Variants in CRACDL observed in about 807,000 individuals in gnomAD.
CRACDL encodes the protein CRACD like.
CRACDL carries 26 observed loss-of-function variants against 70.6 expected under a neutral mutation model. That is an observed-to-expected ratio of 0.37 (90% CI 0.27 to 0.51). The LOEUF (loss-of-function observed/expected upper bound fraction) is 0.51, where lower values mean the gene tolerates loss of function less well. Ranked by LOEUF, CRACDL falls within the 20% of genes least tolerant of loss-of-function variation. The pLI, the probability that CRACDL is intolerant of heterozygous loss-of-function variation, is 0.94. For missense variants in CRACDL, 1,283 were observed against 1,376.9 expected, an observed-to-expected ratio of 0.93 and a Z score of 1.08; for synonymous variants, 618 against 615.2, an observed-to-expected ratio of 1.00 and a Z score of -0.07.
chr2:98,802,998 CT>C (rs34784675), intron 7 of CRACDL, among the ~76,000 whole-genome samples: 7,204 of 128,142 alleles, frequency 0.056, 115 homozygotes, highest in East Asian at 0.097. Flanking sequence ...ACATGCCTGG[CT>C]TTTTTTTTTT....
intron 1 of CRACDL, among the ~76,000 whole-genome samples, chr2:98,889,340 A>AAAGAAAGAAAGAAAGGAAGG (rs1231775878): frequency 2.3e-5 from 3 of 128,192 alleles, no homozygotes; most frequent in African/African-American, 5.8e-5. Flanking sequence ...AGAAAGAAAG[A>AAAGAAAGAAAGAAAGGAAGG]AAGGAAACAG....
At chr2:98,894,509 C>T (rs192593294) in intron 1 of CRACDL, among the ~76,000 whole-genome samples, 13 of 152,306 alleles carry the variant, frequency 8.5e-5, no homozygotes, top group Non-Finnish European at 1.5e-4. Context: ...GGGTGCGGGG[C>T]GGGCCCTCCT....
chr2:98,910,409 T>C lies in CRACDL; in HGVS notation c.-11+25529A>G, dbSNP rs559137634. ...GGTGGTGCATGCCTGTAATCCCAGC[T>C]ACTTGGGAGGCTGAAGCAGGAGAAT... On this transcript the variant is annotated intron_variant, in intron 1 of 9. Coordinates refer to ENST00000397899, the MANE Select transcript of CRACDL (RefSeq NM_207362.3). 1.1e-4 allele frequency among the ~76,000 whole-genome samples: 16 copies of C among 152,056 alleles called. No individual in the cohort carries two copies. The East Asian group carries it at 2.9e-3, about 28-fold the overall frequency.
At chr2:98,921,296 C>T (rs1209263905) in intron 1 of CRACDL, among the ~76,000 whole-genome samples, 1 of 152,238 alleles carries the variant, frequency 6.6e-6, no homozygotes, top group Non-Finnish European at 1.5e-5. Context: ...CGCGGCAGGG[C>T]AGCCACAAGT....
intron 1 of CRACDL, among the ~76,000 whole-genome samples, chr2:98,923,474 G>C (rs1708849164): frequency 6.6e-6 from 1 of 152,222 alleles, no homozygotes; most frequent in African/African-American, 2.4e-5. Context: ...TGCAAGCAAA[G>C]TACCCAGGAA....
chr2:98,846,771 C>T lies in CRACDL; in HGVS notation c.30G>A (p.Lys10=), dbSNP rs1573059853. 1 of 1,614,232 alleles carries T rather than the reference C, an allele frequency of 6.2e-7. No homozygotes were observed. Among genetic ancestry groups the T allele is most frequent in the East Asian group, 2.2e-5 (1 of 44,888 alleles). Residue 10 remains lysine, a synonymous_variant, in exon 2 of 10, where the codon AAG becomes AAA. Transcript: ENST00000397899. MISTRVMDI[K]LREAAEGLGE... ...CAAGGCCTTCTGCAGCCTCCCGAAG[C>T]TTAATGTCCATCACCCTTGTGGAAA...
intron 1 of CRACDL, among the ~76,000 whole-genome samples, chr2:98,875,131 G>A (rs546106421): frequency 2.0e-5 from 3 of 152,318 alleles, no homozygotes; most frequent in South Asian, 2.1e-4. Flanking sequence ...CCAAAGTGCC[G>A]TCACTCTGTA....
chr2:98,872,848 G>A (rs1240390637), intron 1 of CRACDL, among the ~76,000 whole-genome samples: 2 of 152,200 alleles, frequency 1.3e-5, no homozygotes, highest in African/African-American at 2.4e-5. Context: ...AATAAAGGAA[G>A]GATCACAAAA....
chr2:98,876,496 G>A (rs988114283), intron 1 of CRACDL, among the ~76,000 whole-genome samples: 1 of 152,092 alleles, frequency 6.6e-6, no homozygotes, highest in African/African-American at 2.4e-5. Flanking sequence ...ATAGGAGTGC[G>A]AGCCCTATTG....
At chr2:98,838,903 A>G (rs1172489892) in intron 2 of CRACDL, among the ~76,000 whole-genome samples, 1 of 152,126 alleles carries the variant, frequency 6.6e-6, no homozygotes, top group East Asian at 1.9e-4. Flanking sequence ...ATTAGAATTC[A>G]CCACACTTTT....
intron 7 of CRACDL, among the ~76,000 whole-genome samples, chr2:98,811,750 T>C (rs564112961): frequency 6.6e-6 from 1 of 152,228 alleles, no homozygotes; most frequent in African/African-American, 2.4e-5. Context: ...TCTCTGTCCA[T>C]ATATTTTTGC....
At chr2:98,867,454 G>A (rs1470561978) in intron 1 of CRACDL, among the ~76,000 whole-genome samples, 1 of 152,020 alleles carries the variant, frequency 6.6e-6, no homozygotes, top group Non-Finnish European at 1.5e-5. Context: ...TTTCATAACA[G>A]CGACCTGTTT....
chr2:98,837,603 G>T lies in CRACDL; in HGVS notation c.239+516C>A, dbSNP rs76303965. 3.8e-3 allele frequency among the ~76,000 whole-genome samples: 578 copies of T among 152,194 alleles called. 22 individuals carry two copies. In the East Asian group the frequency reaches 0.086, roughly 23 times the overall value. On this transcript the variant is annotated intron_variant, in intron 3 of 9. Transcript: ENST00000397899. ...TACAAAAATAAGGATTTCTTTACTA[G>T]ACCTCCCCAGTTTTTTGTGCTTATT... is the stretch of plus-strand genomic sequence containing the variant.
intron 1 of CRACDL, among the ~76,000 whole-genome samples, chr2:98,906,406 C>G (rs997191313): frequency 1.3e-5 from 2 of 152,126 alleles, no homozygotes; most frequent in South Asian, 2.1e-4. Flanking sequence ...GGACTACAGG[C>G]GCATGCCACT....
chr2:98,877,181 T>C (rs891332769), intron 1 of CRACDL, among the ~76,000 whole-genome samples: 2 of 152,224 alleles, frequency 1.3e-5, no homozygotes, highest in Non-Finnish European at 1.5e-5. Flanking sequence ...AATAAGTCTG[T>C]AGAACTGGGT....
intron 3 of CRACDL, among the ~76,000 whole-genome samples, chr2:98,836,898 C>A (rs1705809558): frequency 6.6e-6 from 1 of 151,976 alleles, no homozygotes; most frequent in South Asian, 2.1e-4. Context: ...CTGGCTAACA[C>A]GGTGAAATCC....
At chr2:98,897,424 C>T in intron 1 of CRACDL, 1 of 1,302,568 alleles carries the variant, frequency 7.7e-7, no homozygotes, top group Non-Finnish European at 1.0e-6. Context: ...TCACAGGTGT[C>T]CTTATCTCAG....
chr2:98,907,223 C>T (rs940097976), intron 1 of CRACDL, among the ~76,000 whole-genome samples: 8 of 152,144 alleles, frequency 5.3e-5, no homozygotes, highest in African/African-American at 1.2e-4. Context: ...ACCCAGGAGG[C>T]GGAGGTTGCG....
At chr2:98,909,572 C>T (rs1037836804) in intron 1 of CRACDL, among the ~76,000 whole-genome samples, 19 of 152,312 alleles carry the variant, frequency 1.2e-4, no homozygotes, top group Non-Finnish European at 2.1e-4. Flanking sequence ...CTGCAGGACG[C>T]GAGCAAACAC....
Sources: gnomAD v4.1 joint callset for allele counts (sites outside exome capture counted in the v4.1 genomes callset) on GRCh38, gnomAD v4.1.1 for gene constraint, MANE v1.5 for transcripts, NCBI Gene and HGNC (gene_info 2026-07-23, HGNC 2026-07-21) for gene names.